AGAP5: variants seen among roughly 807,000 people sequenced by gnomAD.
The protein encoded by AGAP5 is ArfGAP with GTPase domain, ankyrin repeat and PH domain 5, also known as arf-GAP with GTPase, ANK repeat and PH domain-containing protein 5.
In AGAP5, 8 loss-of-function variants were observed where a neutral mutation model predicts 27.7. That is an observed-to-expected ratio of 0.29 (90% CI 0.17 to 0.52). The LOEUF is 0.52. AGAP5 is among the 20% of genes least tolerant of loss of function. AGAP5 has a pLI of 0.97. For synonymous variants in AGAP5, 111 were observed against 338.0 expected (o/e 0.33, Z 7.37); for missense variants, 285 against 880.8 (o/e 0.32, Z 8.56).
intron 6 of AGAP5, among the ~76,000 whole-genome samples, chr10:73,678,256 C>T (rs1245607223): frequency 9.2e-5 from 14 of 152,018 alleles, no homozygotes; most frequent in Admixed American, 8.5e-4. Context: ...ATTAGCCTGG[C>T]GTGGTGCCAC....
chr10:73,694,030 T>C (rs374053166), intron 3 of AGAP5, among the ~76,000 whole-genome samples: 7 of 152,240 alleles, frequency 4.6e-5, no homozygotes, highest in East Asian at 3.8e-4. Flanking sequence ...CGTGTTTTAC[T>C]GTGCTGCATT....
Position 73,697,715 on chromosome 10 carries a change from C to A in AGAP5, c.41G>T (p.Ser14Ile). 1.9e-6 allele frequency: 3 copies of A among 1,598,024 alleles called. No individual in the cohort carries two copies. Among genetic ancestry groups the A allele is most frequent in the Non-Finnish European group, 2.5e-6 (3 of 1,179,796 alleles). ...CCCCTGTTGCTGGTCAAACTCGAGGCTGACGCTAGGGTGCACACAACAGGT... is the reference window on the plus strand; with the variant it reads ...CCCCTGTTGCTGGTCAAACTCGAGGATGACGCTAGGGTGCACACAACAGGT... Reference protein sequence around the residue: ...ILTCCVHPSVSLEFDQQQGSV... With the variant: ...ILTCCVHPSVILEFDQQQGSV... Residue 14 changes from serine (S) to isoleucine (I), a missense_variant, in exon 1 of 8, where the codon AGC becomes ATC. Transcript: ENST00000374094.
At position 73,697,140 on chromosome 10, in the gene AGAP5, T is replaced by A. The variant is rs1401929753; in HGVS notation, c.247A>T (p.Asn83Tyr). The A allele has an allele frequency of 6.3e-7, 1 of 1,598,106 alleles. No homozygotes were observed. The highest frequency in any genetic ancestry group is 8.5e-7 in the Non-Finnish European group (1 of 1,179,722). ...TGGAATATTGTGCTTGCCTCTGGAT[T>A]GGCAGAAAGGCTAAACTCCAAAGCT... The part of the protein sequence containing the change: ...PEALEFSLSA[N>Y]PEASTIFQRN... The change falls in exon 2 of 8, where the codon AAT becomes TAT. Residue 83 changes from asparagine to tyrosine, a missense_variant. By Grantham distance (143) the Asn-to-Tyr change is moderately radical (BLOSUM62 -2). Transcript: ENST00000374094.
chr10:73,690,678 G>A (rs1159281889), intron 4 of AGAP5, among the ~76,000 whole-genome samples: 1 of 151,504 alleles, frequency 6.6e-6, no homozygotes, highest in East Asian at 1.9e-4. Context: ...TCAACCTAGA[G>A]GTGTACTCTC....
chr10:73,695,365 C>A (rs1303854629), intron 2 of AGAP5, among the ~76,000 whole-genome samples: 1 of 152,102 alleles, frequency 6.6e-6, no homozygotes, highest in African/African-American at 2.4e-5. Context: ...ATAGGGAGAA[C>A]ATACACAGGC....
intron 2 of AGAP5, among the ~76,000 whole-genome samples, chr10:73,696,058 G>C (rs2082159231): frequency 6.6e-6 from 1 of 152,082 alleles, no homozygotes; most frequent in South Asian, 2.1e-4. Flanking sequence ...TGTCACCCAG[G>C]CTGGAGTGCA....
At chr10:73,690,307 C>G (rs1462584358) in intron 4 of AGAP5, among the ~76,000 whole-genome samples, 1 of 152,188 alleles carries the variant, frequency 6.6e-6, no homozygotes, top group Non-Finnish European at 1.5e-5. Flanking sequence ...TGTGACCTTA[C>G]CCCCAACCCT....
rs1163533466 is a variant in AGAP5 at position 73,676,774 on chromosome 10, T to C, written c.534-4A>G. 3 of 1,145,190 alleles carry C rather than the reference T, an allele frequency of 2.6e-6. No homozygotes were observed. The South Asian group carries it at 3.9e-5, about 15-fold the overall frequency. 70.9% of individuals were successfully genotyped at this position (1,145,190 alleles called of 1,614,324 possible). The stretch of plus-strand genomic sequence containing the variant: ...GCTCAAAGATCTATCTGCATCTCTA[T>C]AAAATAAGAAAGTGCATTACTTCAA... On this transcript the variant is annotated splice_region_variant and splice_polypyrimidine_tract_variant and intron_variant, in intron 6 of 7. Transcript: ENST00000374094.
intron 3 of AGAP5, among the ~76,000 whole-genome samples, chr10:73,693,929 T>C (rs2082139907): frequency 6.6e-6 from 1 of 152,130 alleles, no homozygotes; most frequent in South Asian, 2.1e-4. Context: ...TTTATAGTAA[T>C]GTAAAAAATG....
intron 4 of AGAP5, among the ~76,000 whole-genome samples, chr10:73,689,935 G>T (rs1167466226): frequency 1.3e-5 from 2 of 151,650 alleles, no homozygotes; most frequent in African/African-American, 2.4e-5. Context: ...CCCCTACTGG[G>T]AAGTGAGGAG....
chr10:73,690,605 T>TAAA lies in AGAP5; in HGVS notation c.396+1437_396+1438insTTT, dbSNP rs1565008251. On this transcript the variant is annotated intron_variant, in intron 4 of 7. Coordinates refer to ENST00000374094, the MANE Select transcript of AGAP5 (RefSeq NM_001144000.4). ...GCGAGAAACACCCAAGAATGATCAA[T>TAAA]TAAAAAAAAAAAAAAAAAAAGAGCA... is the stretch of plus-strand genomic sequence containing the variant. Among the ~76,000 whole-genome samples, 5 of 80,534 alleles carry TAAA rather than the reference T, an allele frequency of 6.2e-5. 1 individual carries two copies. The highest frequency in any genetic ancestry group is 3.0e-4 in the South Asian group (1 of 3,372). 52.8% of individuals were successfully genotyped at this position (80,534 alleles called of 152,430 possible). A position where few individuals can be genotyped will look rare whatever the true frequency, so the allele number is the denominator to read the frequency against.
chr10:73,686,354 T>C (rs538408062), intron 4 of AGAP5, among the ~76,000 whole-genome samples: 2 of 152,304 alleles, frequency 1.3e-5, no homozygotes, highest in African/African-American at 4.8e-5. Context: ...GCAAGCCACA[T>C]GCGGGAGAAT....
intron 4 of AGAP5, among the ~76,000 whole-genome samples, chr10:73,686,309 T>C (rs1470223635): frequency 2.0e-5 from 3 of 152,172 alleles, no homozygotes; most frequent in South Asian, 2.1e-4. Flanking sequence ...GTGAAGAAAG[T>C]AAACCCTATT....
chr10:73,678,868 T>C (rs2082001401), intron 6 of AGAP5, among the ~76,000 whole-genome samples: 2 of 151,614 alleles, frequency 1.3e-5, no homozygotes, highest in South Asian at 4.2e-4. Flanking sequence ...TTTTCTCTTT[T>C]TTTGAGACAG....
chr10:73,689,422 T>G (rs1056195255), intron 4 of AGAP5, among the ~76,000 whole-genome samples: 3 of 139,006 alleles, frequency 2.2e-5, no homozygotes, highest in African/African-American at 8.1e-5. Flanking sequence ...GTCTGGGAAG[T>G]GAGGAGCGTC....
At position 73,697,892 on chromosome 10, in the gene AGAP5, G is replaced by A. The variant is rs1185000737; in HGVS notation, c.-137C>T. 6 of 1,536,986 alleles carry A rather than the reference G, an allele frequency of 3.9e-6. No individual in the cohort carries two copies. Among genetic ancestry groups the A allele is most frequent in the Non-Finnish European group, 5.2e-6 (6 of 1,147,676 alleles). ...TCCTCGCCTGCCCACCTCACAGCGC[G>A]GCCCCGGGCACCATCCCTGGCCCCG... On this transcript the variant is annotated 5_prime_UTR_variant, in exon 1 of 8. Coordinates refer to ENST00000374094, the MANE Select transcript of AGAP5 (RefSeq NM_001144000.4).
chr10:73,676,312 A>G (rs1167715086), intron 7 of AGAP5, among the ~76,000 whole-genome samples: 1 of 147,416 alleles, frequency 6.8e-6, no homozygotes, highest in Non-Finnish European at 1.5e-5. Flanking sequence ...AAAAAAAGAA[A>G]AGAAAAAAGA....
Position 73,674,614 on chromosome 10 carries a change from G to T in AGAP5, c.2046C>A (p.Pro682=), listed in dbSNP as rs1565000752. ...CINVLLQYGC[P]DECV ...AAAACAGATACTACACGCACTCGTC[G>T]GGGCAGCCGTACTGCAGAAGCACGT... The change falls in exon 8 of 8, where the codon CCC becomes CCA. Residue 682 remains proline, a synonymous_variant. Transcript: ENST00000374094. 1 of 1,611,426 alleles carries T rather than the reference G, an allele frequency of 6.2e-7. No individual in the cohort carries two copies. The highest frequency in any genetic ancestry group is 8.5e-7 in the Non-Finnish European group (1 of 1,179,464).
chr10:73,692,323 CAAAAG>C (rs1456660080), intron 3 of AGAP5, among the ~76,000 whole-genome samples: 3 of 151,872 alleles, frequency 2.0e-5, no homozygotes, highest in South Asian at 4.2e-4. Flanking sequence ...TCCTCATGTA[CAAAAG>C]AAAAGGGCAA....
Sources: allele counts gnomAD v4.1 joint callset (sites outside exome capture counted in the v4.1 genomes callset), GRCh38; gene constraint gnomAD v4.1.1; transcripts MANE v1.5; gene names NCBI Gene and HGNC (gene_info 2026-07-23, HGNC 2026-07-21).